The following RMND1 variants were observed in gnomAD, a reference collection of about 807,000 sequenced individuals.
RMND1 encodes the protein required for meiotic nuclear division protein 1 homolog.
RMND1 carries 41 observed loss-of-function variants against 54.0 expected under a neutral mutation model. The ratio of observed to expected loss-of-function variants is 0.76; its 90% CI spans 0.59 to 0.98. RMND1 has a LOEUF of 0.98. Among genes scored for constraint, RMND1 ranks in the 50% least tolerant of loss-of-function variants. RMND1 has a pLI of 0.00. For missense variants in RMND1, 457 were observed against 532.0 expected (o/e 0.86, Z 1.39); for synonymous variants, 183 against 181.7 (o/e 1.01, Z -0.06).
intron 4 of RMND1, among the ~76,000 whole-genome samples, chr6:151,432,795 C>T (rs532464643): frequency 1.3e-4 from 20 of 152,166 alleles, no homozygotes; most frequent in Admixed American, 4.6e-4. Flanking sequence ...CAAGAAGAGA[C>T]AGCAGGGAGG....
chr6:151,428,630 C>T (rs145875302), intron 5 of RMND1, among the ~76,000 whole-genome samples: 80 of 152,124 alleles, frequency 5.3e-4, no homozygotes, highest in African/African-American at 1.8e-3. Flanking sequence ...CTCCTGGGTT[C>T]GAGCGATCCC....
intron 10 of RMND1, among the ~76,000 whole-genome samples, chr6:151,413,045 A>G (rs1779900315): frequency 6.6e-6 from 1 of 152,154 alleles, no homozygotes. Context: ...GAGATGCTCT[A>G]TGGAGAAGCT....
chr6:151,437,953 A>C (rs1359020821), intron 2 of RMND1, among the ~76,000 whole-genome samples: 1 of 152,232 alleles, frequency 6.6e-6, no homozygotes, highest in Admixed American at 6.5e-5. Flanking sequence ...AAGTCAGACA[A>C]GCTGAAATTA....
At chr6:151,447,652 C>T (rs553537097) in intron 1 of RMND1, among the ~76,000 whole-genome samples, 3 of 152,278 alleles carry the variant, frequency 2.0e-5, no homozygotes, top group South Asian at 2.1e-4. Flanking sequence ...TTCAAAAGCT[C>T]GCATTCTGTG....
chr6:151,405,886 C>T (rs1779602561), intron 10 of RMND1, 50 bp from the exon 11 acceptor site: 2 of 947,538 alleles, frequency 2.1e-6, no homozygotes, highest in Non-Finnish European at 3.4e-6. Flanking sequence ...TTAATACGGT[C>T]ATACACATAA....
At chr6:151,446,874 C>A (rs1156361282) in intron 1 of RMND1, among the ~76,000 whole-genome samples, 1 of 151,254 alleles carries the variant, frequency 6.6e-6, no homozygotes, top group African/African-American at 2.4e-5. Context: ...GCACTCCAGC[C>A]TGGGCGACAG....
intron 1 of RMND1, among the ~76,000 whole-genome samples, chr6:151,451,618 T>C (rs956375327): frequency 1.4e-4 from 21 of 152,146 alleles, no homozygotes; most frequent in Non-Finnish European, 3.1e-4. Flanking sequence ...AGGCATTCGA[T>C]CGAATTTTTA....
At chr6:151,419,576 A>G (rs1188513923) in intron 9 of RMND1, among the ~76,000 whole-genome samples, 1 of 150,822 alleles carries the variant, frequency 6.6e-6, no homozygotes, top group African/African-American at 2.4e-5. Context: ...CAGGAGGGTG[A>G]GGCAGGAGGA....
chr6:151,428,428 C>T (rs1472349602), intron 5 of RMND1, among the ~76,000 whole-genome samples: 3 of 152,222 alleles, frequency 2.0e-5, no homozygotes, highest in South Asian at 4.1e-4. Context: ...TTTTTCTACT[C>T]TCCATTACAA....
chr6:151,440,687 C>T (rs1232526529), intron 2 of RMND1, among the ~76,000 whole-genome samples: 1 of 152,170 alleles, frequency 6.6e-6, no homozygotes, highest in Non-Finnish European at 1.5e-5. Context: ...CTTCTTAGCT[C>T]TGAGTCTTAG....
intron 5 of RMND1, among the ~76,000 whole-genome samples, chr6:151,429,051 G>A (rs916223392): frequency 2.0e-5 from 3 of 150,540 alleles, no homozygotes; most frequent in East Asian, 1.9e-4. Flanking sequence ...TTTCCTTTTC[G>A]TAAAATTGGG....
chr6:151,451,195 C>CAAAA (rs1241593346), intron 1 of RMND1, among the ~76,000 whole-genome samples: 1 of 75,644 alleles, frequency 1.3e-5, no homozygotes, highest in Non-Finnish European at 2.3e-5. Context: ...CAAGAATGAT[C>CAAAA]AATAAAAAAA....
intron 3 of RMND1, among the ~76,000 whole-genome samples, chr6:151,433,671 AACT>A (rs1186571979): frequency 6.6e-6 from 1 of 152,148 alleles, no homozygotes; most frequent in Non-Finnish European, 1.5e-5. Flanking sequence ...AACATTCCCA[AACT>A]ACTACTCCTG....
intron 2 of RMND1, among the ~76,000 whole-genome samples, chr6:151,439,711 G>C (rs1202074472): frequency 3.9e-5 from 6 of 152,154 alleles, no homozygotes; most frequent in African/African-American, 1.4e-4. Context: ...CCAGGCTGGA[G>C]TGCAATGGTG....
At chr6:151,422,275 A>G (rs1269048517) in intron 8 of RMND1, among the ~76,000 whole-genome samples, 1 of 125,974 alleles carries the variant, frequency 7.9e-6, no homozygotes, top group Non-Finnish European at 1.5e-5. Context: ...TATAACAACT[A>G]TTTACATAGT....
chr6:151,405,602 T>C (rs1430993844), intron 11 of RMND1, 118 bp downstream of exon 11: 6 of 644,642 alleles, frequency 9.3e-6, no homozygotes, highest in East Asian at 5.2e-5. Flanking sequence ...TTAGTAATGA[T>C]AACAAAGTCA....
At chr6:151,418,966 C>T (rs1319708967) in intron 9 of RMND1, among the ~76,000 whole-genome samples, 1 of 152,080 alleles carries the variant, frequency 6.6e-6, no homozygotes, top group Admixed American at 6.6e-5. Context: ...GATGGGGTTT[C>T]TCCATGTTGG....
At chr6:151,419,325 A>G (rs1780090024) in intron 9 of RMND1, among the ~76,000 whole-genome samples, 1 of 151,776 alleles carries the variant, frequency 6.6e-6, no homozygotes, top group Non-Finnish European at 1.5e-5. Context: ...TCAGCCTCCC[A>G]AAGTGCTGGC....
At chr6:151,430,248 C>T in intron 4 of RMND1, 71 bp from the exon 5 acceptor site, 1 of 1,072,212 alleles carries the variant, frequency 9.3e-7, no homozygotes, top group Non-Finnish European at 1.4e-6. Context: ...TATATAAAAC[C>T]ATGTAACTTC....
Sources: allele counts gnomAD v4.1 joint callset (sites outside exome capture counted in the v4.1 genomes callset), GRCh38; gene constraint gnomAD v4.1.1; transcripts MANE v1.5; gene names NCBI Gene and HGNC (gene_info 2026-07-23, HGNC 2026-07-21).